Variants in ADGRL2 observed in about 807,000 individuals in gnomAD.
The protein encoded by ADGRL2 is calcium-independent alpha-latrotoxin receptor 2.
Under a neutral mutation model 157.4 loss-of-function variants are expected in ADGRL2, and 44 were observed. That is an observed-to-expected ratio of 0.28 (90% CI 0.22 to 0.36). ADGRL2 has a LOEUF of 0.36. Ranked by LOEUF, ADGRL2 falls within the 10% of genes least tolerant of loss-of-function variation. The pLI is 1.00. For synonymous variants in ADGRL2, 585 were observed against 624.7 expected (o/e 0.94, Z 0.95); for missense variants, 1,510 against 1,768.9 (o/e 0.85, Z 2.63).
chr1:81,770,155 T>A (rs2086298697), intron 2 of ADGRL2, among the ~76,000 whole-genome samples: 2 of 44,678 alleles, frequency 4.5e-5, no homozygotes, highest in South Asian at 1.9e-3. Context: ...GCACCCAGCT[T>A]TTTTTTTTTT....
At chr1:81,451,979 T>C (rs1194911486) in intron 2 of ADGRL2, among the ~76,000 whole-genome samples, 1 of 152,186 alleles carries the variant, frequency 6.6e-6, no homozygotes, top group Non-Finnish European at 1.5e-5. Flanking sequence ...CTTCTGTGCG[T>C]TCTCTCTTCT....
At chr1:81,534,762 A>T (rs1473880363) in intron 2 of ADGRL2, among the ~76,000 whole-genome samples, 1 of 152,208 alleles carries the variant, frequency 6.6e-6, no homozygotes, top group Admixed American at 6.5e-5. Flanking sequence ...TGATTCTAAT[A>T]ATCATGGCCC....
At chr1:81,499,969 A>G (rs2078811293) in intron 2 of ADGRL2, among the ~76,000 whole-genome samples, 1 of 152,094 alleles carries the variant, frequency 6.6e-6, no homozygotes, top group Non-Finnish European at 1.5e-5. Context: ...AAATTAATAG[A>G]TCTGTTTAGA....
At chr1:81,535,886 A>T (rs965677781) in intron 2 of ADGRL2, among the ~76,000 whole-genome samples, 4 of 152,208 alleles carry the variant, frequency 2.6e-5, no homozygotes, top group South Asian at 4.1e-4. Context: ...AAAAAAACCT[A>T]ACATTTAAAC....
At chr1:81,723,637 G>A (rs2084412112) in intron 1 of ADGRL2, among the ~76,000 whole-genome samples, 1 of 152,152 alleles carries the variant, frequency 6.6e-6, no homozygotes, top group African/African-American at 2.4e-5. Context: ...ATTTTGGCTT[G>A]TCTTTTTAAA....
intron 3 of ADGRL2, among the ~76,000 whole-genome samples, chr1:81,682,299 C>A (rs1021956845): frequency 2.0e-5 from 3 of 151,988 alleles, no homozygotes; most frequent in African/African-American, 7.3e-5. Flanking sequence ...GGCTGGTAAT[C>A]GGCTTAAATT....
chr1:81,521,151 A>C (rs965570547), intron 2 of ADGRL2, among the ~76,000 whole-genome samples: 4 of 152,224 alleles, frequency 2.6e-5, no homozygotes, highest in Non-Finnish European at 5.9e-5. Flanking sequence ...TGGGGAAAAA[A>C]GTAAAGAACA....
intron 2 of ADGRL2, chr1:81,557,137 CA>C (rs1285011064): frequency 5.7e-6 from 1 of 175,412 alleles, no homozygotes; most frequent in Admixed American, 6.4e-5. Flanking sequence ...TTCAGAGGTG[CA>C]GGGATGTTGG....
At chr1:81,396,083 A>G (rs1015980989) in intron 1 of ADGRL2, among the ~76,000 whole-genome samples, 7 of 152,024 alleles carry the variant, frequency 4.6e-5, no homozygotes, top group Non-Finnish European at 8.8e-5. Context: ...CATTGAATCT[A>G]TAGATCACTT....
At chr1:81,430,622 C>G (rs921361423) in intron 1 of ADGRL2, among the ~76,000 whole-genome samples, 2 of 152,174 alleles carry the variant, frequency 1.3e-5, no homozygotes, top group African/African-American at 4.8e-5. Context: ...CCCAGCCCCC[C>G]ACTGATGTTA....
At chr1:81,839,504 A>G (rs949149609) in intron 2 of ADGRL2, among the ~76,000 whole-genome samples, 9 of 151,892 alleles carry the variant, frequency 5.9e-5, no homozygotes, top group Non-Finnish European at 1.2e-4. Context: ...ACTGCACCAT[A>G]TATGTTGTCT....
At chr1:81,324,152 G>A (rs1206903366) in intron 1 of ADGRL2, among the ~76,000 whole-genome samples, 1 of 152,122 alleles carries the variant, frequency 6.6e-6, no homozygotes, top group Non-Finnish European at 1.5e-5. Context: ...AGACAGAGAT[G>A]AAGGTCATTA....
In ADGRL2 at chr1:81,879,074, C is replaced by G. The variant is rs549057165; in HGVS notation, c.74-27943C>G. 1.5e-3 allele frequency among the ~76,000 whole-genome samples: 233 copies of G among 152,238 alleles called. 7 individuals are homozygous for G. The South Asian group carries it at 0.033, about 22-fold the overall frequency. ...GAAAATAATGTATCTTCTTCCTTTA[C>G]CCCTTCAATGAATGATCTGTAACTC... On this transcript the variant is annotated intron_variant, in intron 2 of 23. Coordinates refer to ENST00000686636, the MANE Select transcript of ADGRL2 (RefSeq NM_001366006.2).
Position 81,789,928 on chromosome 1 carries a change from G to A in ADGRL2, c.-101+28076G>A, listed in dbSNP as rs551213070. On this transcript the variant is annotated intron_variant, in intron 2 of 20. Coordinates refer to the ADGRL2 transcript ENST00000359929. ...GTGTTCCAGGCTTTGACAACTTAGT[G>A]AGTCATAAGTGAGCTACGATAGAAA... 1.1e-4 allele frequency among the ~76,000 whole-genome samples: 17 copies of A among 152,194 alleles called. No homozygotes were observed. The East Asian group carries it at 3.3e-3, about 29-fold the overall frequency.
intron 2 of ADGRL2, chr1:81,502,825 G>A: frequency 6.2e-7 from 1 of 1,612,540 alleles, no homozygotes; most frequent in Non-Finnish European, 8.5e-7. Context: ...TACTGCTGCT[G>A]CCGCTGCCGA....
At chr1:81,353,357 T>C (rs1663051565) in intron 1 of ADGRL2, among the ~76,000 whole-genome samples, 1 of 152,132 alleles carries the variant, frequency 6.6e-6, no homozygotes, top group African/African-American at 2.4e-5. Context: ...CAGATTTGCT[T>C]GTTATCTGAA....
chr1:81,900,878 C>G (rs910982105), intron 2 of ADGRL2, among the ~76,000 whole-genome samples: 5 of 151,774 alleles, frequency 3.3e-5, no homozygotes, highest in South Asian at 2.1e-4. Context: ...CTAAGCCATG[C>G]AGACAGAGGT....
At chr1:81,532,366 A>G (rs1479472986) in intron 2 of ADGRL2, among the ~76,000 whole-genome samples, 1 of 152,194 alleles carries the variant, frequency 6.6e-6, no homozygotes, top group African/African-American at 2.4e-5. Flanking sequence ...CCTGGAAATA[A>G]TGATTTGCAA....
chr1:81,438,006 T>C (rs2077439521), intron 1 of ADGRL2, among the ~76,000 whole-genome samples: 1 of 150,164 alleles, frequency 6.7e-6, no homozygotes. Flanking sequence ...CTCCCAGGAG[T>C]TACCCTCTCT....
Sources: allele counts gnomAD v4.1 joint callset (sites outside exome capture counted in the v4.1 genomes callset), GRCh38; gene constraint gnomAD v4.1.1; transcripts MANE v1.5; gene names NCBI Gene and HGNC (gene_info 2026-07-23, HGNC 2026-07-21).